The following ROR2 variants were observed in gnomAD, a reference collection of about 807,000 sequenced individuals.
ROR2 encodes ROR family WNT receptor 2, also known as tyrosine-protein kinase transmembrane receptor ROR2.
ROR2 carries 33 observed loss-of-function variants against 74.9 expected under a neutral mutation model. The observed-to-expected ratio is 0.44, with a 90% CI of 0.33 to 0.59. The LOEUF is 0.59. ROR2 is among the 20% of genes least tolerant of loss of function. The pLI, the probability that ROR2 is intolerant of heterozygous loss-of-function variation, is 0.02. For synonymous variants in ROR2, 586 were observed against 558.7 expected (o/e 1.05, Z -0.69); for missense variants, 1,216 against 1,313.8 (o/e 0.93, Z 1.15).
chr9:91,949,914 G>A lies in ROR2; in HGVS notation c.50C>T (p.Ala17Val), dbSNP rs1383062255. Residue 17 changes from alanine (A) to valine (V), a missense_variant, in exon 1 of 9, where the codon GCC (alanine) becomes GTC (valine). Transcript: ENST00000375708. ...LPRRPLLCIP[A>V]VWAAAALLLS... ...CAGAAGCGCGGCGGCCGCCCAGACG[G>A]CCGGGATGCACAGCAGCGGCCGCCG... 4 of 1,538,888 alleles carry A rather than the reference G, an allele frequency of 2.6e-6. No homozygotes were observed. The highest frequency in any genetic ancestry group is 1.4e-5 in the African/African-American group (1 of 71,744).
intron 4 of ROR2, among the ~76,000 whole-genome samples, chr9:91,746,857 GGTGT>G (rs57891940): frequency 0.049 from 7,405 of 149,948 alleles, 306 homozygotes; most frequent in African/African-American, 0.11. Flanking sequence ...TCCTTGAGCA[GGTGT>G]GTGTGTGTGT....
At chr9:91,946,146 C>G (rs1198238518) in intron 1 of ROR2, among the ~76,000 whole-genome samples, 2 of 152,238 alleles carry the variant, frequency 1.3e-5, no homozygotes, top group East Asian at 3.8e-4. Flanking sequence ...CATGAAATTG[C>G]TATTGGCCAT....
Position 91,733,487 on chromosome 9 carries a change from G to C in ROR2, c.623-51C>G. ...AGCGGGGGACCCACCTTGCGCCCTT[G>C]ACATTCATCCAGTCCCCACCCCCAG... On this transcript the variant is annotated intron_variant, in intron 5 of 8. Transcript: ENST00000375708. The surrounding 1 kb of genome is among the most constrained non-coding windows in gnomAD (Gnocchi z 5.7). 1 of 1,563,060 alleles carries C rather than the reference G, an allele frequency of 6.4e-7. No homozygotes were observed. The highest frequency in any genetic ancestry group is 8.6e-7 in the Non-Finnish European group (1 of 1,156,662).
At position 91,919,771 on chromosome 9, in the gene ROR2, C is replaced by T. The variant is rs1831220002; in HGVS notation, c.97+30096G>A. Among the ~76,000 whole-genome samples, 3 of 152,288 alleles carry T rather than the reference C, an allele frequency of 2.0e-5. No homozygotes were observed. The South Asian group carries it at 6.2e-4, about 32-fold the overall frequency. On this transcript the variant is annotated intron_variant, in intron 1 of 8. Transcript: ENST00000375708. Reference sequence around the variant, plus strand: ...GGGGGCCGGAGTGGGGAGGGTTTCACCCAGCCTGGCCGATCTCACACTTTT... The same window carrying T: ...GGGGGCCGGAGTGGGGAGGGTTTCATCCAGCCTGGCCGATCTCACACTTTT...
At position 91,796,436 on chromosome 9, in the gene ROR2, G is replaced by GAAA. The variant is rs907750118; in HGVS notation, c.98-20621_98-20619dup. Among the ~76,000 whole-genome samples the GAAA allele has an allele frequency of 8.9e-3, 776 of 87,664 alleles. 15 individuals are homozygous for GAAA. Among genetic ancestry groups the GAAA allele is most frequent in the African/African-American group, 0.025 (694 of 27,296 alleles). The allele number at this position is 87,664 out of a possible 152,430, so 57.5% of individuals were successfully genotyped here. A position where few individuals can be genotyped will look rare whatever the true frequency, so the allele number is the denominator to read the frequency against. On this transcript the variant is annotated intron_variant, in intron 1 of 8. Transcript: ENST00000375708. ...CAACAGAGTGAGACCTTGTCCCAAGGAAAAAAAAAAAAAAAAAAACATTTT... is the reference window on the plus strand; with the variant it reads ...CAACAGAGTGAGACCTTGTCCCAAGGAAAAAAAAAAAAAAAAAAAAAACATTTT...
At chr9:91,844,183 C>T (rs1434838617) in intron 1 of ROR2, among the ~76,000 whole-genome samples, 1 of 152,212 alleles carries the variant, frequency 6.6e-6, no homozygotes, top group Non-Finnish European at 1.5e-5. Flanking sequence ...CAGCAAAGTT[C>T]CCTACCGTTT....
At chr9:91,802,733 A>G (rs1043905604) in intron 1 of ROR2, among the ~76,000 whole-genome samples, 7 of 152,198 alleles carry the variant, frequency 4.6e-5, no homozygotes, top group African/African-American at 1.7e-4. Flanking sequence ...CGAGGTGCGC[A>G]GAAAGCCAAG....
intron 1 of ROR2, among the ~76,000 whole-genome samples, chr9:91,934,731 G>T (rs1405743095): frequency 6.6e-6 from 1 of 152,048 alleles, no homozygotes; most frequent in Non-Finnish European, 1.5e-5. Flanking sequence ...GAAAAGAAAT[G>T]AGCTCAGAGT....
At chr9:91,845,012 G>A (rs16907887) in intron 1 of ROR2, among the ~76,000 whole-genome samples, 38,054 of 152,146 alleles carry the variant, frequency 0.25, 5,204 homozygotes, top group Admixed American at 0.42. Flanking sequence ...TCATGACACA[G>A]TTCAAAATTA....
At chr9:91,758,786 T>A (rs1395411717) in intron 2 of ROR2, among the ~76,000 whole-genome samples, 1 of 152,200 alleles carries the variant, frequency 6.6e-6, no homozygotes, top group African/African-American at 2.4e-5. Flanking sequence ...TGTGTGAGTA[T>A]GCATGTGTGG....
At chr9:91,820,979 C>T (rs1463763533) in intron 1 of ROR2, among the ~76,000 whole-genome samples, 1 of 151,970 alleles carries the variant, frequency 6.6e-6, no homozygotes, top group Non-Finnish European at 1.5e-5. Context: ...CACATGCCTG[C>T]AGTCCCAGCT....
At chr9:91,929,098 C>T (rs10118792) in intron 1 of ROR2, among the ~76,000 whole-genome samples, 73,379 of 152,142 alleles carry the variant, frequency 0.48, 20,940 homozygotes, top group African/African-American at 0.79. Context: ...CTTTTTGTGG[C>T]TCCACAGAAT....
intron 1 of ROR2, among the ~76,000 whole-genome samples, chr9:91,918,327 C>T (rs1587846257): frequency 1.3e-5 from 2 of 151,798 alleles, no homozygotes; most frequent in East Asian, 3.9e-4. Flanking sequence ...TCCCACTTAA[C>T]AGACTTGCAA....
intron 1 of ROR2, among the ~76,000 whole-genome samples, chr9:91,790,584 CTA>C (rs1247022046): frequency 6.6e-6 from 1 of 151,566 alleles, no homozygotes; most frequent in Non-Finnish European, 1.5e-5. Flanking sequence ...CAATAAAGGA[CTA>C]TGTTGTTGGT....
At chr9:91,826,873 A>G (rs543349106) in intron 1 of ROR2, among the ~76,000 whole-genome samples, 1 of 152,240 alleles carries the variant, frequency 6.6e-6, no homozygotes, top group Admixed American at 6.5e-5. Context: ...TGAGAAGGGG[A>G]GACTCTGAAG....
chr9:91,873,232 G>A (rs927063825), intron 1 of ROR2, among the ~76,000 whole-genome samples: 3 of 151,938 alleles, frequency 2.0e-5, no homozygotes, highest in Admixed American at 1.3e-4. Context: ...TGTGTGCATC[G>A]GGCCCATGTC....
chr9:91,786,971 G>A (rs1215142836), intron 1 of ROR2, among the ~76,000 whole-genome samples: 2 of 152,196 alleles, frequency 1.3e-5, no homozygotes, highest in African/African-American at 4.8e-5. Flanking sequence ...TGGGACAGGA[G>A]AGGACACCAC....
chr9:91,769,964 A>G (rs147993286), intron 2 of ROR2, among the ~76,000 whole-genome samples: 11 of 152,306 alleles, frequency 7.2e-5, no homozygotes, highest in Middle Eastern at 3.4e-3. Flanking sequence ...CAGGGGCCAC[A>G]TCCTCCCAGA....
intron 3 of ROR2, among the ~76,000 whole-genome samples, chr9:91,756,620 C>A (rs1186390274): frequency 6.6e-6 from 1 of 152,114 alleles, no homozygotes; most frequent in Admixed American, 6.6e-5. Flanking sequence ...CTCCCACTGA[C>A]ACCTGACCTC....
Sources: gnomAD v4.1 joint callset for allele counts (sites outside exome capture counted in the v4.1 genomes callset) on GRCh38, gnomAD v4.1.1 for gene constraint, Gnocchi (gnomAD v3.1) non-coding constraint, MANE v1.5 for transcripts, NCBI Gene and HGNC (gene_info 2026-07-23, HGNC 2026-07-21) for gene names.